Variants in PLXDC2 observed in about 807,000 individuals in gnomAD.
The protein encoded by PLXDC2 is plexin domain containing 2.
PLXDC2 carries 40 observed loss-of-function variants against 68.9 expected under a neutral mutation model. The observed-to-expected ratio is 0.58, with a 90% CI of 0.45 to 0.76. The LOEUF (loss-of-function observed/expected upper bound fraction) is 0.76, where lower values mean the gene tolerates loss of function less well. Ranked by LOEUF, PLXDC2 falls within the 30% of genes least tolerant of loss-of-function variation. The pLI is 0.00. For synonymous variants in PLXDC2, 243 were observed against 234.2 expected (o/e 1.04, Z -0.34); for missense variants, 644 against 661.9 (o/e 0.97, Z 0.30).
Position 19,816,814 on chromosome 10 carries a change from G to C in PLXDC2, c.-266G>C, listed in dbSNP as rs953403345. 5 of 522,192 alleles carry C rather than the reference G, an allele frequency of 9.6e-6. No individual in the cohort carries two copies. Among genetic ancestry groups the C allele is most frequent in the Non-Finnish European group, 1.4e-5 (4 of 294,026 alleles). The allele number at this position is 522,192 out of a possible 1,614,324, so 32.3% of individuals were successfully genotyped here. On this transcript the variant is annotated 5_prime_UTR_variant, in exon 1 of 14. Coordinates refer to ENST00000377252, the MANE Select transcript of PLXDC2 (RefSeq NM_032812.9). The stretch of plus-strand genomic sequence containing the variant: ...GCTGCAAGTGGCCTCTCCTCCCCGC[G>C]GTTGTTGTTCAGTGTCGGGTGAGGG...
chr10:20,050,236 T>C (rs1835869144), intron 3 of PLXDC2, among the ~76,000 whole-genome samples: 1 of 152,106 alleles, frequency 6.6e-6, no homozygotes, highest in African/African-American at 2.4e-5. Context: ...GACTTAGATG[T>C]AAAACTCAAA....
At chr10:20,157,790 T>G (rs1564336070) in intron 6 of PLXDC2, among the ~76,000 whole-genome samples, 1 of 152,250 alleles carries the variant, frequency 6.6e-6, no homozygotes, top group Non-Finnish European at 1.5e-5. Flanking sequence ...TACCAAGTAA[T>G]AAACCTATCT....
chr10:19,846,766 C>T (rs1267074097), intron 1 of PLXDC2, among the ~76,000 whole-genome samples: 2 of 152,124 alleles, frequency 1.3e-5, no homozygotes, highest in African/African-American at 4.8e-5. Context: ...CATCAAGTGG[C>T]CATCTCAGAC....
chr10:20,067,384 C>A (rs11011777), intron 3 of PLXDC2, among the ~76,000 whole-genome samples: 1 of 151,968 alleles, frequency 6.6e-6, no homozygotes, highest in African/African-American at 2.4e-5. Context: ...GTATTTGAAA[C>A]ATGAAAATGT....
At chr10:20,092,051 A>G (rs867082010) in intron 4 of PLXDC2, among the ~76,000 whole-genome samples, 5 of 152,228 alleles carry the variant, frequency 3.3e-5, no homozygotes, top group Admixed American at 2.6e-4. Context: ...TTACTAAGCG[A>G]AACTTCATTT....
At chr10:20,251,319 C>G (rs1379462888) in intron 13 of PLXDC2, among the ~76,000 whole-genome samples, 1 of 152,062 alleles carries the variant, frequency 6.6e-6, no homozygotes, top group Non-Finnish European at 1.5e-5. Flanking sequence ...ACAAGAATGT[C>G]TACATATGCT....
At chr10:20,012,246 T>C (rs1181429281) in intron 2 of PLXDC2, among the ~76,000 whole-genome samples, 1 of 151,640 alleles carries the variant, frequency 6.6e-6, no homozygotes, top group Admixed American at 6.6e-5. Flanking sequence ...CTTCACCTTG[T>C]ATTTCTGAAG....
At chr10:20,139,687 A>G (rs1221060006) in intron 4 of PLXDC2, among the ~76,000 whole-genome samples, 1 of 152,192 alleles carries the variant, frequency 6.6e-6, no homozygotes, top group African/African-American at 2.4e-5. Flanking sequence ...AAAAAGGATG[A>G]GTTAACGTCC....
chr10:20,191,562 C>T (rs930262684), intron 9 of PLXDC2, among the ~76,000 whole-genome samples: 1 of 151,318 alleles, frequency 6.6e-6, no homozygotes, highest in African/African-American at 2.4e-5. Context: ...TCTTTTGTCA[C>T]TGCCCAGATT....
chr10:19,951,396 T>C (rs566383737), intron 1 of PLXDC2, among the ~76,000 whole-genome samples: 4 of 151,758 alleles, frequency 2.6e-5, no homozygotes, highest in Non-Finnish European at 5.9e-5. Flanking sequence ...AACAAACATA[T>C]GAAAAAAAAT....
At chr10:19,833,341 A>G (rs1183861089) in intron 1 of PLXDC2, among the ~76,000 whole-genome samples, 1 of 152,236 alleles carries the variant, frequency 6.6e-6, no homozygotes, top group African/African-American at 2.4e-5. Flanking sequence ...GCTGCAATTA[A>G]CTAGAAGTGC....
chr10:20,284,035 G>T lies in PLXDC2; in HGVS notation c.*4216G>T, dbSNP rs1836115582. The stretch of plus-strand genomic sequence containing the variant: ...TCCCTAGTGTCTATTGCCCACTTGA[G>T]AAAGGTTTTGCCAGGATCCACAGAT... On this transcript the variant is annotated 3_prime_UTR_variant, in exon 14 of 14. Coordinates refer to ENST00000377252, the MANE Select transcript of PLXDC2 (RefSeq NM_032812.9). 6.6e-6 allele frequency: 1 copy of T among 152,082 alleles called. No individual in the cohort carries two copies. The highest frequency in any genetic ancestry group is 2.1e-4 in the South Asian group (1 of 4,826). The allele number at this position is 152,082 out of a possible 1,614,324, so 9.4% of individuals were successfully genotyped here.
chr10:20,265,306 G>A (rs926191101), intron 13 of PLXDC2, among the ~76,000 whole-genome samples: 2 of 152,208 alleles, frequency 1.3e-5, no homozygotes, highest in Admixed American at 6.5e-5. Context: ...GGTGGAATCA[G>A]TGCAGCCATC....
At chr10:20,065,201 T>C (rs1253119918) in intron 3 of PLXDC2, among the ~76,000 whole-genome samples, 1 of 152,170 alleles carries the variant, frequency 6.6e-6, no homozygotes, top group Non-Finnish European at 1.5e-5. Flanking sequence ...AGGGATGTCA[T>C]GTGTATGTAC....
At chr10:19,894,378 T>G (rs1174639411) in intron 1 of PLXDC2, among the ~76,000 whole-genome samples, 1 of 151,988 alleles carries the variant, frequency 6.6e-6, no homozygotes, top group Admixed American at 6.6e-5. Flanking sequence ...GTGCCATGAA[T>G]CAGAGATTCA....
intron 2 of PLXDC2, among the ~76,000 whole-genome samples, chr10:20,044,946 G>T (rs959781403): frequency 1.3e-5 from 2 of 152,140 alleles, no homozygotes; most frequent in East Asian, 3.9e-4. Context: ...CACATTCACA[G>T]TGTGTTTTAC....
At chr10:20,264,028 A>T (rs1835841638) in intron 13 of PLXDC2, among the ~76,000 whole-genome samples, 1 of 152,166 alleles carries the variant, frequency 6.6e-6, no homozygotes, top group Non-Finnish European at 1.5e-5. Flanking sequence ...TGTTCATTGC[A>T]GCACTGTTCA....
chr10:20,031,215 A>G (rs903504074), intron 2 of PLXDC2, among the ~76,000 whole-genome samples: 1 of 152,084 alleles, frequency 6.6e-6, no homozygotes, highest in Non-Finnish European at 1.5e-5. Flanking sequence ...AAAAAACTTT[A>G]AAAAGATAGC....
chr10:20,255,613 A>C (rs1032732467), intron 13 of PLXDC2, among the ~76,000 whole-genome samples: 1 of 152,170 alleles, frequency 6.6e-6, no homozygotes, highest in Admixed American at 6.5e-5. Flanking sequence ...TTTTCTAGCA[A>C]ACATACCAAA....
Sources: gnomAD v4.1 joint callset for allele counts (sites outside exome capture counted in the v4.1 genomes callset) on GRCh38, gnomAD v4.1.1 for gene constraint, MANE v1.5 for transcripts, NCBI Gene and HGNC (gene_info 2026-07-23, HGNC 2026-07-21) for gene names.